The following USP39 variants were observed in gnomAD, a reference collection of about 807,000 sequenced individuals.
The protein encoded by USP39 is ubiquitin specific peptidase 39, also known as ubiquitin carboxyl-terminal hydrolase 39.
In USP39, 38 loss-of-function variants were observed where a neutral mutation model predicts 66.4. That is an observed-to-expected ratio of 0.57 (90% CI 0.44 to 0.75). USP39 has a LOEUF of 0.75. USP39 is among the 30% of genes least tolerant of loss of function. The pLI, the probability that USP39 is intolerant of heterozygous loss-of-function variation, is 0.00. For missense variants in USP39, 608 were observed against 714.4 expected (o/e 0.85, Z 1.70); for synonymous variants, 303 against 274.6 (o/e 1.10, Z -1.02).
At chr2:85,623,006 A>T (rs1674579486) in intron 3 of USP39, among the ~76,000 whole-genome samples, 1 of 152,194 alleles carries the variant, frequency 6.6e-6, no homozygotes, top group Admixed American at 6.6e-5. Context: ...CACGGAGTAA[A>T]AATAAGTGCA....
intron 1 of USP39, among the ~76,000 whole-genome samples, chr2:85,604,204 C>T (rs879833274): frequency 1.3e-5 from 2 of 152,082 alleles, no homozygotes; most frequent in Non-Finnish European, 2.9e-5. Flanking sequence ...AAGCAGAAAA[C>T]CTGTTGGAGA....
chr2:85,616,001 C>G, upstream of USP39: 1 of 1,189,226 alleles, frequency 8.4e-7, no homozygotes, highest in Non-Finnish European at 1.1e-6. Context: ...GACAGTAGGC[C>G]CACAGAAGGT....
At chr2:85,603,191 T>C (rs986511357) in intron 1 of USP39, 3 of 152,176 alleles carry the variant, frequency 2.0e-5, no homozygotes, top group Admixed American at 6.5e-5. Flanking sequence ...TCTTAAGAAA[T>C]CCAAGCGCCT....
chr2:85,615,407 G>C (rs971679836), upstream of USP39, among the ~76,000 whole-genome samples: 1 of 152,220 alleles, frequency 6.6e-6, no homozygotes, highest in Admixed American at 6.5e-5. Flanking sequence ...TTCAAGGCAG[G>C]TCCTGAGGTT....
Position 85,616,215 on chromosome 2 carries a change from G to T in USP39, c.20G>T (p.Arg7Leu). The change falls in exon 1 of 13, where the codon CGG becomes CTG. Residue 7 changes from arginine to leucine, a missense_variant. Physicochemically the swap from Arg to Leu is moderately radical, Grantham distance 102. This residue lies in a region of USP39 where 207 missense variants were observed against 145.7 expected (regional missense o/e 1.42). Coordinates refer to ENST00000323701, the MANE Select transcript of USP39 (RefSeq NM_006590.4). ...GTGGAGATGTCCGGCCGGTCTAAGCGGGAGTCTCGCGGTTCCACTCGCGGG... is the reference window on the plus strand; with the variant it reads ...GTGGAGATGTCCGGCCGGTCTAAGCTGGAGTCTCGCGGTTCCACTCGCGGG... MSGRSK[R>L]ESRGSTRGKR... is the part of the protein sequence containing the mutation. 1 of 1,480,084 alleles carries T rather than the reference G, an allele frequency of 6.8e-7. No individual in the cohort carries two copies. The allele number at this position is 1,480,084 out of a possible 1,614,324, so 91.7% of individuals were successfully genotyped here.
upstream of USP39, chr2:85,609,345 G>A (rs1258279530): frequency 9.2e-6 from 14 of 1,520,276 alleles, no homozygotes; most frequent in Non-Finnish European, 1.2e-5. Flanking sequence ...TTCCCATTGG[G>A]GGTCCTGAGG....
At chr2:85,610,035 G>A (rs186411008), upstream of USP39, among the ~76,000 whole-genome samples, 135 of 124,292 alleles carry the variant, frequency 1.1e-3, no homozygotes, top group Middle Eastern at 4.7e-3. Context: ...TTTTTTTTGA[G>A]ACGGAGTCTT....
intron 1 of USP39, among the ~76,000 whole-genome samples, chr2:85,603,736 G>A (rs1008052921): frequency 1.3e-5 from 2 of 151,758 alleles, no homozygotes; most frequent in Admixed American, 1.3e-4. Context: ...GGAACTACAG[G>A]CGCCCGCCAC....
At chr2:85,626,561 CTG>C (rs1674880875) in intron 5 of USP39, among the ~76,000 whole-genome samples, 1 of 152,170 alleles carries the variant, frequency 6.6e-6, no homozygotes, top group African/African-American at 2.4e-5. Context: ...GGGACCGAAT[CTG>C]TGTTGCCTTG....
chr2:85,643,356 G>A (rs1368812259), intron 10 of USP39, among the ~76,000 whole-genome samples: 8 of 152,052 alleles, frequency 5.3e-5, no homozygotes, highest in Admixed American at 3.9e-4. Flanking sequence ...CAGGCATGGT[G>A]GTGGGCGCCT....
Position 85,619,201 on chromosome 2 carries a change from G to C in USP39, c.269-19G>C. 1 of 1,613,642 alleles carries C rather than the reference G, an allele frequency of 6.2e-7. No homozygotes were observed. Among genetic ancestry groups the C allele is most frequent in the Non-Finnish European group, 8.5e-7 (1 of 1,179,856 alleles). ...TATAGGTTTCCCATTTTCAAAGCCT[G>C]TGATGATTTTCCTTTCAGCAAAGAA... On this transcript the variant is annotated intron_variant, in intron 1 of 12. Coordinates refer to ENST00000323701, the MANE Select transcript of USP39 (RefSeq NM_006590.4).
upstream of USP39, among the ~76,000 whole-genome samples, chr2:85,615,239 T>C (rs536860949): frequency 3.9e-5 from 6 of 152,332 alleles, no homozygotes; most frequent in East Asian, 1.2e-3. Flanking sequence ...CAGGCTGGTC[T>C]CCAGTCCTGA....
chr2:85,617,661 A>G (rs1315251562), intron 1 of USP39, among the ~76,000 whole-genome samples: 1 of 152,124 alleles, frequency 6.6e-6, no homozygotes, highest in African/African-American at 2.4e-5. Context: ...AAAAATGGTT[A>G]ATGGTTCAGA....
At chr2:85,631,023 T>A (rs1223550122) in intron 6 of USP39, 77 bp downstream of exon 6, 2 of 1,454,702 alleles carry the variant, frequency 1.4e-6, no homozygotes, top group African/African-American at 2.9e-5. Context: ...GGCAGTGAAT[T>A]TTTTTTTTTG....
intron 12 of USP39, 62 bp from the exon 13 acceptor site, chr2:85,648,699 T>A (rs1676829480): frequency 6.3e-7 from 1 of 1,578,564 alleles, no homozygotes; most frequent in African/African-American, 1.3e-5. Flanking sequence ...GAATAGGTAT[T>A]TGATAAGTGT....
chr2:85,620,046 C>T (rs1242925933), intron 2 of USP39, among the ~76,000 whole-genome samples: 2 of 151,436 alleles, frequency 1.3e-5, no homozygotes, highest in East Asian at 3.9e-4. Flanking sequence ...TTAGAAGAGA[C>T]GGGGTTTCAT....
chr2:85,642,014 T>G (rs2104347379), intron 10 of USP39, among the ~76,000 whole-genome samples: 1 of 139,366 alleles, frequency 7.2e-6, no homozygotes, highest in South Asian at 2.3e-4. Flanking sequence ...GCCTGAGTTT[T>G]AGGCTGTCTT....
intron 7 of USP39, among the ~76,000 whole-genome samples, chr2:85,636,559 A>G (rs1177331752): frequency 2.6e-5 from 4 of 152,170 alleles, no homozygotes; most frequent in Admixed American, 6.6e-5. Flanking sequence ...TAGGCTATGC[A>G]GTGGCACGGT....
chr2:85,632,012 G>C (rs1162159170), intron 6 of USP39, among the ~76,000 whole-genome samples: 5 of 152,180 alleles, frequency 3.3e-5, no homozygotes, highest in Non-Finnish European at 7.3e-5. Context: ...AAAGTGTTGG[G>C]ATTACGGGTG....
Sources: allele counts gnomAD v4.1 joint callset (sites outside exome capture counted in the v4.1 genomes callset), GRCh38; gene constraint gnomAD v4.1.1; regional missense constraint gnomAD v4.1.1; transcripts MANE v1.5; gene names NCBI Gene and HGNC (gene_info 2026-07-23, HGNC 2026-07-21).